Variants in CYFIP1 observed in about 807,000 individuals in gnomAD.
CYFIP1 encodes the protein cytoplasmic FMR1-interacting protein 1.
A neutral mutation model predicts 163.5 loss-of-function variants in CYFIP1; 58 were observed. That is an observed-to-expected ratio of 0.35 (90% CI 0.29 to 0.44). The LOEUF (loss-of-function observed/expected upper bound fraction) is 0.44, where lower values mean the gene tolerates loss of function less well. Among genes scored for constraint, CYFIP1 ranks in the 20% least tolerant of loss-of-function variants. The pLI, the probability that CYFIP1 is intolerant of heterozygous loss-of-function variation, is 1.00. For missense variants in CYFIP1, 1,338 were observed against 1,653.8 expected, an observed-to-expected ratio of 0.81 and a Z score of 3.31; for synonymous variants, 663 against 660.7, an observed-to-expected ratio of 1.00 and a Z score of -0.05.
chr15:22,933,902 A>G lies in CYFIP1; in HGVS notation c.901-9T>C, dbSNP rs569983375. ...GGAACCACCTGGAGTTGCTGTATTC[A>G]AAGAACAAAAAAATAGAGTCATTAT... is the stretch of plus-strand genomic sequence containing the variant. On this transcript the variant is annotated splice_polypyrimidine_tract_variant and intron_variant, in intron 9 of 30. Coordinates refer to ENST00000617928, the MANE Select transcript of CYFIP1 (RefSeq NM_014608.6). 1 of 1,590,376 alleles carries G rather than the reference A, an allele frequency of 6.3e-7. No homozygotes were observed. The highest frequency in any genetic ancestry group is 1.1e-5 in the South Asian group (1 of 89,422).
At chr15:22,964,274 CCACA>C (rs60879784) in intron 1 of CYFIP1, among the ~76,000 whole-genome samples, 22,856 of 96,818 alleles carry the variant, frequency 0.24, 2,727 homozygotes, top group Non-Finnish European at 0.28. Flanking sequence ...CTCCTCCTCA[CCACA>C]CACACACACA....
rs201156437 is a variant in CYFIP1, at chr15:22,881,833, C to G, written c.2911+13G>C. 5.0e-6 allele frequency: 8 copies of G among 1,607,406 alleles called. No homozygotes were observed. The South Asian group carries it at 7.7e-5, about 15-fold the overall frequency. ...CACAGACAGCACTGTGAGCTCCACA[C>G]GCCCGCACTCACCAGGAGAGCCGTA... is the stretch of plus-strand genomic sequence containing the variant. On this transcript the variant is annotated intron_variant, in intron 25 of 30. Coordinates refer to ENST00000617928, the MANE Select transcript of CYFIP1 (RefSeq NM_014608.6).
Position 22,892,896 on chromosome 15 carries a change from T to C in CYFIP1, c.2670A>G (p.Gly890=), listed in dbSNP as rs768047592. 2.5e-6 allele frequency: 4 copies of C among 1,610,964 alleles called. No homozygotes were observed. Among genetic ancestry groups the C allele is most frequent in the Non-Finnish European group, 2.5e-6 (3 of 1,177,120 alleles). ...QPNAQPQYLH[G]SKALNLAYSS... is the part of the protein sequence containing the mutation. ...CGAACACATTGGAGCCTACCTTGGA[T>C]CCATGCAGATACTGAGGCTGTGCAT... is the stretch of plus-strand genomic sequence containing the variant. The change falls in exon 23 of 31, where the codon GGA becomes GGG. Residue 890 remains glycine (G), a synonymous_variant. Transcript: ENST00000617928.
At chr15:22,929,187 G>A (rs2061453003) in intron 11 of CYFIP1, among the ~76,000 whole-genome samples, 2 of 148,118 alleles carry the variant, frequency 1.4e-5, no homozygotes, top group Admixed American at 1.4e-4. Context: ...GCCATCACAC[G>A]CCATCCAGCC....
At chr15:22,950,600 G>A (rs1479218553) in intron 1 of CYFIP1, among the ~76,000 whole-genome samples, 1 of 152,180 alleles carries the variant, frequency 6.6e-6, no homozygotes, top group Non-Finnish European at 1.5e-5. Flanking sequence ...AATATTAAAC[G>A]GAAAACTCCA....
chr15:22,937,520 T>C lies in CYFIP1; in HGVS notation c.796-312A>G, dbSNP rs182740695. On this transcript the variant is annotated intron_variant, in intron 8 of 30. Coordinates refer to ENST00000617928, the MANE Select transcript of CYFIP1 (RefSeq NM_014608.6). ...GCTGGTGCAAAAGTAATTGCGTTTT[T>C]TTTGCCATTAAAAGTAATGTCCAAT... Among the ~76,000 whole-genome samples, 13 of 152,326 alleles carry C rather than the reference T, an allele frequency of 8.5e-5. No homozygotes were observed. The East Asian group carries it at 1.5e-3, about 18-fold the overall frequency.
rs779801031 is a variant in CYFIP1, at chr15:22,927,913, A to G, written c.1226T>C (p.Met409Thr). 2.5e-6 allele frequency: 4 copies of G among 1,604,318 alleles called. No individual in the cohort carries two copies. The African/African-American group carries it at 5.4e-5, about 22-fold the overall frequency. The change falls in exon 12 of 31, where the codon ATG becomes ACG. Residue 409 changes from methionine (M) to threonine (T), a missense_variant. Transcript: ENST00000617928. ...QLLSQWSAHV[M>T]EVYSWKLVHP... ...GTCGGGGACGGGGCCTACCACTTCC[A>G]TCACGTGCGCGCTCCACTGCGACAA...
intron 21 of CYFIP1, among the ~76,000 whole-genome samples, chr15:22,906,867 G>A (rs975421347): frequency 2.0e-5 from 3 of 152,182 alleles, no homozygotes; most frequent in Non-Finnish European, 2.9e-5. Flanking sequence ...ACTGTCTGTA[G>A]GGACACTGCT....
chr15:22,891,725 C>A (rs879362089), intron 23 of CYFIP1, among the ~76,000 whole-genome samples: 2 of 152,232 alleles, frequency 1.3e-5, no homozygotes, highest in Non-Finnish European at 2.9e-5. Context: ...CAAACACTTG[C>A]GCTCCTGCCA....
chr15:22,867,230 T>C lies in CYFIP1; in HGVS notation c.*2798A>G. On this transcript the variant is annotated 3_prime_UTR_variant, in exon 31 of 31. Coordinates refer to ENST00000617928, the MANE Select transcript of CYFIP1 (RefSeq NM_014608.6). The stretch of plus-strand genomic sequence containing the variant: ...ATCAATCCCTGACCATGTAAGGCTT[T>C]TTTATTTTAAAAAAACAGAGTTATC... 2 of 404,292 alleles carry C rather than the reference T, an allele frequency of 4.9e-6. No individual in the cohort carries two copies. The highest frequency in any genetic ancestry group is 8.7e-6 in the Non-Finnish European group (2 of 229,784). The allele number at this position is 404,292 out of a possible 1,614,324, so 25.0% of individuals were successfully genotyped here.
intron 1 of CYFIP1, among the ~76,000 whole-genome samples, chr15:22,977,121 C>G (rs1376769934): frequency 6.6e-6 from 1 of 151,996 alleles, no homozygotes; most frequent in Non-Finnish European, 1.5e-5. Flanking sequence ...ATCGCTTGAA[C>G]CCGGGAGGCA....
At position 22,879,918 on chromosome 15, in the gene CYFIP1, TC is replaced by T. The variant is rs2059705415; in HGVS notation, c.3036del (p.Ser1013AlafsTer4). On this transcript the variant is annotated frameshift_variant, in exon 26 of 31. Transcript: ENST00000617928. LOFTEE classifies it high-confidence loss of function. ...GGCGTTGGGGGGCCACTCACCAGGCTCTGCTCGATGAGCAGGCAGAAGAGGA... is the reference window on the plus strand; with the variant it reads ...GGCGTTGGGGGGCCACTCACCAGGCTTGCTCGATGAGCAGGCAGAAGAGGA... ...NAILFCLLIEQSLSLEEVCDL... is the reference protein window; with the variant it reads ...NAILFCLLIEXSLSLEEVCDL... 1 of 1,611,078 alleles carries T rather than the reference TC, an allele frequency of 6.2e-7. No individual in the cohort carries two copies. Among genetic ancestry groups the T allele is most frequent in the Non-Finnish European group, 8.5e-7 (1 of 1,179,516 alleles).
chr15:22,934,012 G>A, intron 9 of CYFIP1, 119 bp from the exon 10 acceptor site: 1 of 630,606 alleles, frequency 1.6e-6, no homozygotes, highest in East Asian at 2.7e-5. Context: ...CTCTGCAAAT[G>A]ATTCATTACA....
intron 22 of CYFIP1, 127 bp from the exon 23 acceptor site, chr15:22,893,104 G>A (rs982539497): frequency 2.4e-5 from 16 of 666,450 alleles, no homozygotes; most frequent in Non-Finnish European, 3.9e-5. Context: ...CATCAAATAG[G>A]AAAATTCTAG....
intron 1 of CYFIP1, among the ~76,000 whole-genome samples, chr15:22,948,362 G>A (rs7402672): frequency 0.26 from 40,289 of 152,062 alleles, 5,875 homozygotes; most frequent in African/African-American, 0.39. Context: ...ACAGGGGGCA[G>A]GTCCAAGTGG....
intron 1 of CYFIP1, among the ~76,000 whole-genome samples, chr15:22,975,441 CAAAAAAAA>C (rs35556120): frequency 1.4e-5 from 1 of 71,352 alleles, no homozygotes. Context: ...GACTCCGTCT[CAAAAAAAA>C]AAAAAAAAAA....
In CYFIP1 at chr15:22,875,885, C is replaced by CATATAT. The variant is rs10640110; in HGVS notation, c.3043-620_3043-615dup. 4.4e-3 allele frequency among the ~76,000 whole-genome samples: 576 copies of CATATAT among 130,832 alleles called. 40 individuals are homozygous for CATATAT. Among genetic ancestry groups the CATATAT allele is most frequent in the African/African-American group, 0.011 (364 of 33,168 alleles). 85.8% of individuals were successfully genotyped at this position (130,832 alleles called of 152,430 possible). The stretch of plus-strand genomic sequence containing the variant: ...ACACAAGGTCCGTTCTCCAGAATAA[C>CATATAT]ATATATATATATAAAGAAAATGTAC... On this transcript the variant is annotated intron_variant, in intron 26 of 30. Coordinates refer to ENST00000617928, the MANE Select transcript of CYFIP1 (RefSeq NM_014608.6).
intron 26 of CYFIP1, among the ~76,000 whole-genome samples, chr15:22,877,436 T>C (rs144111538): frequency 0.011 from 1,735 of 152,242 alleles, 16 homozygotes; most frequent in Non-Finnish European, 0.02. Flanking sequence ...TGGACTAAGA[T>C]AGCAGATGAG....
intron 29 of CYFIP1, among the ~76,000 whole-genome samples, 170 bp from the exon 30 acceptor site, chr15:22,873,142 T>C (rs2059484164): frequency 6.6e-6 from 1 of 152,172 alleles, no homozygotes; most frequent in African/African-American, 2.4e-5. Context: ...GGCTGTTCCC[T>C]GGTTTTGATA....
Sources: allele counts gnomAD v4.1 joint callset (sites outside exome capture counted in the v4.1 genomes callset), GRCh38; gene constraint gnomAD v4.1.1; transcripts MANE v1.5; gene names NCBI Gene and HGNC (gene_info 2026-07-23, HGNC 2026-07-21).